NRG3: variants seen among roughly 807,000 people sequenced by gnomAD.
NRG3 encodes the protein neuregulin 3.
A neutral mutation model predicts 66.9 loss-of-function variants in NRG3; 31 were observed. The ratio of observed to expected loss-of-function variants is 0.46; its 90% CI spans 0.35 to 0.63. The LOEUF (loss-of-function observed/expected upper bound fraction) is 0.63, where lower values mean the gene tolerates loss of function less well. Among genes scored for constraint, NRG3 ranks in the 20% least tolerant of loss-of-function variants. The pLI, the probability that NRG3 is intolerant of heterozygous loss-of-function variation, is 0.00. For missense variants in NRG3, 910 were observed against 878.9 expected, an observed-to-expected ratio of 1.04 and a Z score of -0.45; for synonymous variants, 393 against 359.4, an observed-to-expected ratio of 1.09 and a Z score of -1.06.
At chr10:82,935,723 A>C (rs1848000118) in intron 4 of NRG3, among the ~76,000 whole-genome samples, 1 of 152,134 alleles carries the variant, frequency 6.6e-6, no homozygotes, top group South Asian at 2.1e-4. Flanking sequence ...TCCTGGGTTC[A>C]AGCGATTCTC....
chr10:82,295,252 C>T (rs979627112), intron 1 of NRG3, among the ~76,000 whole-genome samples: 2 of 152,042 alleles, frequency 1.3e-5, no homozygotes. Flanking sequence ...AAATATGACT[C>T]GTTTCATTTA....
At chr10:81,977,786 G>A (rs1184333772) in intron 1 of NRG3, among the ~76,000 whole-genome samples, 1 of 152,170 alleles carries the variant, frequency 6.6e-6, no homozygotes. Flanking sequence ...ATACAATGGA[G>A]AAAGTAAAAA....
chr10:81,985,064 G>A (rs1356181778), intron 1 of NRG3, among the ~76,000 whole-genome samples: 3 of 152,202 alleles, frequency 2.0e-5, no homozygotes, highest in Non-Finnish European at 4.4e-5. Context: ...CAGAGAACAG[G>A]AAGATAAATA....
At chr10:82,325,751 A>G (rs925958696) in intron 1 of NRG3, among the ~76,000 whole-genome samples, 5 of 152,104 alleles carry the variant, frequency 3.3e-5, no homozygotes, top group African/African-American at 1.2e-4. Context: ...GTAATATTAC[A>G]TCACTTCATG....
intron 1 of NRG3, among the ~76,000 whole-genome samples, chr10:82,192,114 T>C (rs370064847): frequency 1.3e-5 from 2 of 152,176 alleles, no homozygotes; most frequent in African/African-American, 4.8e-5. Flanking sequence ...GATCAATATG[T>C]GTAAGAATTA....
chr10:82,220,483 T>A (rs1272183253), intron 1 of NRG3, among the ~76,000 whole-genome samples: 1 of 152,078 alleles, frequency 6.6e-6, no homozygotes, highest in Admixed American at 6.6e-5. Context: ...AAGTGTATTG[T>A]GTTAGGGGGA....
chr10:82,373,931 TG>T (rs1353413093), intron 2 of NRG3, among the ~76,000 whole-genome samples: 1 of 152,196 alleles, frequency 6.6e-6, no homozygotes, highest in African/African-American at 2.4e-5. Context: ...ATTATCTGGA[TG>T]TATGAAATGA....
chr10:82,727,365 C>T (rs2057658797), intron 2 of NRG3, among the ~76,000 whole-genome samples: 2 of 152,216 alleles, frequency 1.3e-5, no homozygotes, highest in South Asian at 4.1e-4. Context: ...CCTAGGGCCC[C>T]TCTGCTATGT....
intron 2 of NRG3, among the ~76,000 whole-genome samples, chr10:82,663,480 A>G (rs1470437070): frequency 6.6e-6 from 1 of 152,210 alleles, no homozygotes; most frequent in Non-Finnish European, 1.5e-5. Context: ...TAGCCTCATA[A>G]GCACATATCC....
intron 2 of NRG3, among the ~76,000 whole-genome samples, chr10:82,581,300 G>A (rs1400301507): frequency 6.6e-6 from 1 of 151,824 alleles, no homozygotes; most frequent in Non-Finnish European, 1.5e-5. Context: ...TTATTGTTCA[G>A]TTTAAAAAAT....
chr10:82,693,217 T>C (rs1365720024), intron 2 of NRG3, among the ~76,000 whole-genome samples: 2 of 152,232 alleles, frequency 1.3e-5, no homozygotes, highest in Non-Finnish European at 2.9e-5. Context: ...CCCTAAGTAA[T>C]GTGATACATG....
chr10:81,997,137 T>C (rs1162926237), intron 1 of NRG3, among the ~76,000 whole-genome samples: 1 of 152,178 alleles, frequency 6.6e-6, no homozygotes, highest in Non-Finnish European at 1.5e-5. Flanking sequence ...ATTCATCTGC[T>C]AAGAGACCTT....
intron 1 of NRG3, among the ~76,000 whole-genome samples, chr10:82,176,014 G>A (rs189267106): frequency 3.7e-4 from 57 of 152,202 alleles, no homozygotes; most frequent in Non-Finnish European, 5.7e-4. Context: ...TACTCTTTCC[G>A]TCAGCAGAAT....
intron 1 of NRG3, among the ~76,000 whole-genome samples, chr10:82,223,745 C>A (rs1200836575): frequency 1.3e-5 from 2 of 151,950 alleles, no homozygotes; most frequent in Admixed American, 1.3e-4. Context: ...ACTTCACAGA[C>A]ACACACTCCA....
rs2056229030 is a variant in NRG3 at position 82,705,580 on chromosome 10, A to T, written c.954-32997A>T. 2.0e-5 allele frequency among the ~76,000 whole-genome samples: 3 copies of T among 152,216 alleles called. No individual in the cohort carries two copies. The South Asian group carries it at 6.2e-4, about 32-fold the overall frequency. ...CACAAGTGTTTTCTCTGAGGCTTAAAACCCTGTATAACTCTGGTCTCAGAA... is the reference window on the plus strand; with the variant it reads ...CACAAGTGTTTTCTCTGAGGCTTAATACCCTGTATAACTCTGGTCTCAGAA... On this transcript the variant is annotated intron_variant, in intron 2 of 8. Coordinates refer to ENST00000372141, the MANE Select transcript of NRG3 (RefSeq NM_001010848.4).
chr10:82,904,579 T>C (rs1001074495), intron 4 of NRG3, among the ~76,000 whole-genome samples: 2 of 152,132 alleles, frequency 1.3e-5, no homozygotes, highest in African/African-American at 2.4e-5. Flanking sequence ...CTCAATGTTT[T>C]TTATATCATG....
At chr10:82,311,440 T>C (rs781512012) in intron 1 of NRG3, among the ~76,000 whole-genome samples, 9 of 152,192 alleles carry the variant, frequency 5.9e-5, no homozygotes, top group Non-Finnish European at 2.9e-5. Context: ...ATCAAGTCAA[T>C]ATCTGTGAAA....
intron 1 of NRG3, among the ~76,000 whole-genome samples, chr10:82,042,424 A>T (rs189088219): frequency 9.2e-5 from 14 of 152,130 alleles, no homozygotes; most frequent in Non-Finnish European, 1.5e-5. Context: ...ATGTCTCAAG[A>T]TAGTTATGAT....
rs1321855141 is a variant in NRG3 at position 82,846,999 on chromosome 10, G to A, written c.1028-18412G>A. On this transcript the variant is annotated intron_variant, in intron 3 of 8. Transcript: ENST00000372141. ...CTGAAGTTGTGGGAAGTACAGAGGTGTAGGAGTCTGGGGCTGTTACAGCAC... is the reference window on the plus strand; with the variant it reads ...CTGAAGTTGTGGGAAGTACAGAGGTATAGGAGTCTGGGGCTGTTACAGCAC... 4.7e-4 allele frequency among the ~76,000 whole-genome samples: 72 copies of A among 152,198 alleles called. 1 individual carries two copies. The highest frequency in any genetic ancestry group is 4.7e-3 in the Admixed American group (72 of 15,280).
Sources: allele counts gnomAD v4.1 joint callset (sites outside exome capture counted in the v4.1 genomes callset), GRCh38; gene constraint gnomAD v4.1.1; transcripts MANE v1.5; gene names NCBI Gene and HGNC (gene_info 2026-07-23, HGNC 2026-07-21).